The following NFE2L2 variants were observed in gnomAD, a reference collection of about 807,000 sequenced individuals.
NFE2L2 encodes nuclear factor erythroid 2-related factor 2.
In NFE2L2, 20 loss-of-function variants were observed where a neutral mutation model predicts 49.6. That is an observed-to-expected ratio of 0.40 (90% CI 0.28 to 0.59). NFE2L2 has a LOEUF of 0.59. Among genes scored for constraint, NFE2L2 ranks in the 20% least tolerant of loss-of-function variants. The pLI is 0.40. For synonymous variants in NFE2L2, 244 were observed against 256.5 expected (o/e 0.95, Z 0.47); for missense variants, 578 against 714.2 (o/e 0.81, Z 2.17).
chr2:177,264,477 G>C (rs1574289772), intron 1 of NFE2L2, 55 bp downstream of exon 1: 5 of 1,501,784 alleles, frequency 3.3e-6, no homozygotes, highest in Non-Finnish European at 4.5e-6. Flanking sequence ...CGGTTCCCTA[G>C]CTCCCCCGCC....
intron 1 of NFE2L2, among the ~76,000 whole-genome samples, chr2:177,261,193 C>CA (rs1200851128): frequency 7.2e-6 from 1 of 137,988 alleles, no homozygotes; most frequent in African/African-American, 2.7e-5. Flanking sequence ...AAACAAAAAA[C>CA]AAAAAACAGT....
Position 177,231,366 on chromosome 2 carries a change from G to C in NFE2L2, c.1237C>G (p.Gln413Glu). ...MVQPLSPSQG[Q>E]STHVHDAQCE... ...TGGGCATCATGCACGTGAGTGCTCT[G>C]CCCCTGAGATGGTGACAAGGGTTGT... Residue 413 changes from glutamine to glutamate, a missense_variant, in exon 5 of 5, where the codon CAG (glutamine) becomes GAG (glutamate). Physicochemically the swap from Gln to Glu is conservative, Grantham distance 29. Around this residue, in one of 3 missense-constraint regions of NFE2L2, gnomAD observed 368 missense variants for 384.6 expected, o/e 0.96. Coordinates refer to ENST00000397062, the MANE Select transcript of NFE2L2 (RefSeq NM_006164.5). The C allele has an allele frequency of 6.2e-7, 1 of 1,614,228 alleles. No homozygotes were observed. The highest frequency in any genetic ancestry group is 8.5e-7 in the Non-Finnish European group (1 of 1,180,032).
In NFE2L2 at chr2:177,230,475, T is replaced by C. The variant is rs1689499896; in HGVS notation, c.*310A>G. On this transcript the variant is annotated 3_prime_UTR_variant, in exon 5 of 5. Transcript: ENST00000397062. ...AATTTCTTTTTAGCCAGATGTCATA[T>C]CATCATATAAATCTATGAATATAAC... The C allele has an allele frequency of 3.7e-6, 1 of 267,362 alleles. No homozygotes were observed. The highest frequency in any genetic ancestry group is 7.0e-6 in the Non-Finnish European group (1 of 142,462). 16.6% of individuals were successfully genotyped at this position (267,362 alleles called of 1,614,324 possible).
intron 1 of NFE2L2, among the ~76,000 whole-genome samples, chr2:177,241,145 T>C (rs962998085): frequency 1.3e-5 from 2 of 152,314 alleles, no homozygotes; most frequent in African/African-American, 2.4e-5. Flanking sequence ...TGAGCCTTGC[T>C]CCAAAGAGAA....
At chr2:177,238,993 TAC>T (rs200246174) in intron 1 of NFE2L2, among the ~76,000 whole-genome samples, 1 of 152,090 alleles carries the variant, frequency 6.6e-6, no homozygotes, top group Non-Finnish European at 1.5e-5. Context: ...TTTACAAACA[TAC>T]ACACACACAC....
intron 1 of NFE2L2, chr2:177,264,264 C>G (rs1574289588): frequency 4.9e-6 from 2 of 407,232 alleles, no homozygotes; most frequent in East Asian, 8.0e-5. Flanking sequence ...CCAAGGCCCA[C>G]GCGAGCGGGC....
rs748937667 is a variant in NFE2L2, at chr2:177,230,808, TCTTA to T, written c.1791_1794del (p.Ser597ArgfsTer14). ...ATCTAGTTTTTCTTAACATCTGGCT[TCTTA>T]CTTTTGGGAACAAGGAAAACATTGC... On this transcript the variant is annotated frameshift_variant, in exon 5 of 5. Coordinates refer to ENST00000397062, the MANE Select transcript of NFE2L2 (RefSeq NM_006164.5). LOFTEE classifies it high-confidence loss of function. The T allele has an allele frequency of 5.0e-6, 8 of 1,587,724 alleles. No individual in the cohort carries two copies. The Middle Eastern group carries it at 6.7e-4, about 134-fold the overall frequency.
At chr2:177,263,214 G>C (rs1690802608) in intron 1 of NFE2L2, among the ~76,000 whole-genome samples, 1 of 152,234 alleles carries the variant, frequency 6.6e-6, no homozygotes. Flanking sequence ...ATTAGCAAGT[G>C]TTTTGAAACG....
chr2:177,256,210 CTGTGCCTG>C (rs1690517643), intron 1 of NFE2L2, among the ~76,000 whole-genome samples: 1 of 152,102 alleles, frequency 6.6e-6, no homozygotes, highest in Non-Finnish European at 1.5e-5. Context: ...CATCATACCT[CTGTGCCTG>C]TTACCTTCAC....
intron 1 of NFE2L2, 54 bp downstream of exon 1, chr2:177,264,478 C>T (rs1690864971): frequency 6.7e-7 from 1 of 1,503,336 alleles, no homozygotes; most frequent in Non-Finnish European, 8.9e-7. Context: ...GGTTCCCTAG[C>T]TCCCCCGCCC....
chr2:177,254,480 A>G (rs1690447569), intron 1 of NFE2L2, among the ~76,000 whole-genome samples: 1 of 152,202 alleles, frequency 6.6e-6, no homozygotes, highest in African/African-American at 2.4e-5. Context: ...AAGTCCATGC[A>G]CCACCGTGCT....
chr2:177,244,495 G>T (rs1690055486), intron 1 of NFE2L2, among the ~76,000 whole-genome samples: 1 of 152,134 alleles, frequency 6.6e-6, no homozygotes, highest in African/African-American at 2.4e-5. Context: ...ACAAAGTGAT[G>T]AGAAGCAAGT....
chr2:177,246,517 T>C (rs1170316875), intron 1 of NFE2L2, among the ~76,000 whole-genome samples: 1 of 152,104 alleles, frequency 6.6e-6, no homozygotes, highest in African/African-American at 2.4e-5. Context: ...CAATCGCATA[T>C]AAGCATAGTA....
At chr2:177,235,872 A>G (rs1689732528) in intron 1 of NFE2L2, among the ~76,000 whole-genome samples, 1 of 152,254 alleles carries the variant, frequency 6.6e-6, no homozygotes, top group African/African-American at 2.4e-5. Context: ...TAGGCTAGGC[A>G]TAGGAACCAC....
chr2:177,240,778 AT>A (rs1344167021), intron 1 of NFE2L2, among the ~76,000 whole-genome samples: 2 of 152,238 alleles, frequency 1.3e-5, no homozygotes, highest in African/African-American at 2.4e-5. Context: ...CATATTAAAT[AT>A]GTCTTTTGCA....
intron 1 of NFE2L2, among the ~76,000 whole-genome samples, chr2:177,248,847 G>A (rs749809104): frequency 2.9e-4 from 44 of 152,180 alleles, no homozygotes; most frequent in Middle Eastern, 3.4e-3. Context: ...GCCCTTTCAG[G>A]CAGATCATGT....
chr2:177,242,298 T>C (rs1689963832), intron 1 of NFE2L2, among the ~76,000 whole-genome samples: 9 of 152,212 alleles, frequency 5.9e-5, no homozygotes, highest in Admixed American at 5.9e-4. Flanking sequence ...AAAAAATAAC[T>C]GGCCTAGCAA....
chr2:177,264,395 T>A, intron 1 of NFE2L2, 137 bp downstream of exon 1: 1 of 855,324 alleles, frequency 1.2e-6, no homozygotes. Flanking sequence ...GCGCGGCGGC[T>A]CTACCCAGCG....
At position 177,230,770 on chromosome 2, in the gene NFE2L2, C is replaced by A. The variant is rs1480526039; in HGVS notation, c.*15G>T. 1 of 1,561,584 alleles carries A rather than the reference C, an allele frequency of 6.4e-7. No individual in the cohort carries two copies. Among genetic ancestry groups the A allele is most frequent in the Non-Finnish European group, 8.6e-7 (1 of 1,161,204 alleles). On this transcript the variant is annotated 3_prime_UTR_variant, in exon 5 of 5. Coordinates refer to ENST00000397062, the MANE Select transcript of NFE2L2 (RefSeq NM_006164.5). The stretch of plus-strand genomic sequence containing the variant: ...ACAAAAAAACTAGCTCAGAAAAGGT[C>A]AAATCCTCCTAAATCTAGTTTTTCT...
Sources: gnomAD v4.1 joint callset for allele counts (sites outside exome capture counted in the v4.1 genomes callset) on GRCh38, gnomAD v4.1.1 for gene constraint, gnomAD v4.1.1 regional missense constraint, MANE v1.5 for transcripts, NCBI Gene and HGNC (gene_info 2026-07-23, HGNC 2026-07-21) for gene names.